RNFT1: variants seen among roughly 807,000 people sequenced by gnomAD.
The protein encoded by RNFT1 is E3 ubiquitin-protein ligase RNFT1.
A neutral mutation model predicts 53.2 loss-of-function variants in RNFT1; 35 were observed. The observed-to-expected ratio is 0.66, with a 90% CI of 0.50 to 0.87. The LOEUF is 0.87. Among genes scored for constraint, RNFT1 ranks in the 40% least tolerant of loss-of-function variants. The probability of loss-of-function intolerance (pLI) is 0.00; values close to 1 mark genes in which losing one functional copy is unlikely to be tolerated. For missense variants in RNFT1, 421 were observed against 515.0 expected (o/e 0.82, Z 1.77); for synonymous variants, 141 against 172.8 (o/e 0.82, Z 1.44).
At position 59,958,414 on chromosome 17, in the gene RNFT1, A is replaced by T. The variant is rs370573890; in HGVS notation, c.723T>A (p.His241Gln). 7 of 1,593,346 alleles carry T rather than the reference A, an allele frequency of 4.4e-6. No individual in the cohort carries two copies. The highest frequency in any genetic ancestry group is 3.4e-6 in the Non-Finnish European group (4 of 1,174,922). The change falls in exon 5 of 9, where the codon CAT becomes CAA. Residue 241 changes from histidine to glutamine, a missense_variant. Transcript: ENST00000305783. Reference sequence around the variant, plus strand: ...TCCAAAATACTTCCCAGAAGCTCAAATGGTCCAAAGTAGGATTTAAAAAAA... The same window carrying T: ...TCCAAAATACTTCCCAGAAGCTCAATTGGTCCAAAGTAGGATTTAAAAAAA... The part of the protein sequence containing the change: ...SLIFLNPTLD[H>Q]LSFWEVFWIV...
rs2045323471 is a variant in RNFT1, at chr17:59,964,719, C to T, written c.-56G>A. On this transcript the variant is annotated 5_prime_UTR_variant, in exon 1 of 9. Transcript: ENST00000305783. ...TCAACCGCAAACCCCGCAAGCTCTT[C>T]TCTCAGCCCGGCGGCAACGGCGGCG... 2.6e-6 allele frequency: 4 copies of T among 1,523,554 alleles called. No individual in the cohort carries two copies. Among genetic ancestry groups the T allele is most frequent in the Admixed American group, 2.1e-5 (1 of 48,700 alleles). The allele number at this position is 1,523,554 out of a possible 1,614,324, so 94.4% of individuals were successfully genotyped here.
Position 59,954,104 on chromosome 17 carries a change from C to T in RNFT1, c.1114G>A (p.Asp372Asn). 1.2e-6 allele frequency: 2 copies of T among 1,604,314 alleles called. No homozygotes were observed. The highest frequency in any genetic ancestry group is 8.5e-7 in the Non-Finnish European group (1 of 1,177,034). ...GCTTGACATATTGAACAAATATCAT[C>T]CACATCTGAACACTGTCTCTTGCTG... ...AASKRQCSDV[D>N]DICSICQAEF... The change falls in exon 8 of 9, where the codon GAT (aspartate) becomes AAT (asparagine). Residue 372 changes from aspartate to asparagine, a missense_variant. Transcript: ENST00000305783.
chr17:59,954,800 AC>A (rs542596390), intron 7 of RNFT1, among the ~76,000 whole-genome samples: 63 of 152,340 alleles, frequency 4.1e-4, no homozygotes, highest in Non-Finnish European at 8.2e-4. Context: ...TTACGGAGAA[AC>A]TGCAACTGTA....
chr17:59,964,737 C>A lies in RNFT1; in HGVS notation c.-74G>T. 1.4e-6 allele frequency: 2 copies of A among 1,445,040 alleles called. No individual in the cohort carries two copies. Among genetic ancestry groups the A allele is most frequent in the African/African-American group, 2.9e-5 (2 of 67,964 alleles). The allele number at this position is 1,445,040 out of a possible 1,614,324, so 89.5% of individuals were successfully genotyped here. A position where few individuals can be genotyped will look rare whatever the true frequency, so the allele number is the denominator to read the frequency against. ...AGCTCTTCTCTCAGCCCGGCGGCAA[C>A]GGCGGCGGCGCGCGCGCTCCCCGGA... On this transcript the variant is annotated 5_prime_UTR_variant, in exon 1 of 9. Transcript: ENST00000305783.
chr17:59,964,610 C>G lies in RNFT1; in HGVS notation c.54G>C (p.Glu18Asp). 6.2e-7 allele frequency: 1 copy of G among 1,604,206 alleles called. No homozygotes were observed. Among genetic ancestry groups the G allele is most frequent in the Non-Finnish European group, 8.5e-7 (1 of 1,175,420 alleles). The change falls in exon 1 of 9, where the codon GAG (glutamate) becomes GAC (aspartate). Residue 18 changes from glutamate (E) to aspartate (D), a missense_variant and splice_region_variant. Glu to Asp is a conservative substitution (Grantham distance 45). Coordinates refer to ENST00000305783, the MANE Select transcript of RNFT1 (RefSeq NM_016125.4). The part of the protein sequence containing the change: ...LPTPPSASGH[E>D]RRQRPEAKTS... ...TGCCCGCTTCCCCCAGGCCTAACCT[C>G]TCATGACCAGAAGCGGACGGAGGTG...
chr17:59,964,456 A>G (rs1422136193), intron 1 of RNFT1, 152 bp downstream of exon 1: 1 of 609,294 alleles, frequency 1.6e-6, no homozygotes, highest in Non-Finnish European at 2.7e-6. Context: ...AAGAGGAGAA[A>G]AAAGGGAAGA....
chr17:59,957,186 G>A (rs1568543076), intron 6 of RNFT1, 38 bp downstream of exon 6: 1 of 1,581,790 alleles, frequency 6.3e-7, no homozygotes, highest in East Asian at 2.2e-5. Flanking sequence ...AATCATTAAT[G>A]TGAATCATGC....
chr17:59,960,487 A>G (rs1413784124), intron 3 of RNFT1, among the ~76,000 whole-genome samples: 1 of 149,796 alleles, frequency 6.7e-6, no homozygotes, highest in Non-Finnish European at 1.5e-5. Flanking sequence ...AAAAAAAAAA[A>G]GAAGCCAGGT....
intron 4 of RNFT1, chr17:59,958,850 T>C: frequency 3.1e-6 from 1 of 320,690 alleles, no homozygotes; most frequent in Non-Finnish European, 6.0e-6. Context: ...TCACTCTCTT[T>C]TTCCATCTTC....
intron 7 of RNFT1, among the ~76,000 whole-genome samples, chr17:59,955,371 G>T (rs1198521914): frequency 1.3e-5 from 2 of 152,136 alleles, no homozygotes; most frequent in Non-Finnish European, 2.9e-5. Context: ...GCATCTTGGA[G>T]ACTCCCTCTC....
chr17:59,964,400 A>G (rs1220214653), intron 1 of RNFT1, among the ~76,000 whole-genome samples: 1 of 152,006 alleles, frequency 6.6e-6, no homozygotes, highest in African/African-American at 2.4e-5. Context: ...TGTCTTTTCT[A>G]TAAATAACAT....
At chr17:59,957,156 A>G in intron 6 of RNFT1, 68 bp downstream of exon 6, 20 of 1,439,126 alleles carry the variant, frequency 1.4e-5, no homozygotes, top group Non-Finnish European at 1.8e-5. Context: ...TAAAAGAGGA[A>G]AACAGTAGTA....
chr17:59,956,384 A>G lies in RNFT1; in HGVS notation c.1071+104T>C, dbSNP rs762781773. ...AAAATAATCAAAGTAAAAGAAAAGGATCATCTATTTATGAAATCCATTCTT... is the reference window on the plus strand; with the variant it reads ...AAAATAATCAAAGTAAAAGAAAAGGGTCATCTATTTATGAAATCCATTCTT... On this transcript the variant is annotated intron_variant, in intron 7 of 8. Coordinates refer to ENST00000305783, the MANE Select transcript of RNFT1 (RefSeq NM_016125.4). 9 of 725,478 alleles carry G rather than the reference A, an allele frequency of 1.2e-5. No homozygotes were observed. The Admixed American group carries it at 2.5e-4, about 20-fold the overall frequency. The allele number at this position is 725,478 out of a possible 1,614,324, so 44.9% of individuals were successfully genotyped here. A position where few individuals can be genotyped will look rare whatever the true frequency, so the allele number is the denominator to read the frequency against.
chr17:59,962,110 C>T (rs2045297880), intron 3 of RNFT1, among the ~76,000 whole-genome samples: 1 of 151,974 alleles, frequency 6.6e-6, no homozygotes, highest in South Asian at 2.1e-4. Context: ...TGGTCTCAAT[C>T]TCCTGACCTC....
chr17:59,960,465 A>C (rs1282447909), intron 3 of RNFT1, among the ~76,000 whole-genome samples: 1 of 145,394 alleles, frequency 6.9e-6, no homozygotes, highest in African/African-American at 2.6e-5. Context: ...AAGAAAATTA[A>C]ATTAAATTAA....
At position 59,958,549 on chromosome 17, in the gene RNFT1, A is replaced by G. The variant is rs1038064858; in HGVS notation, c.693-105T>C. The stretch of plus-strand genomic sequence containing the variant: ...AATATTTTATTTTGATATGTAAAAA[A>G]TATGAGTTTGGCAGGATGTCAGAGT... On this transcript the variant is annotated intron_variant, in intron 4 of 8. Transcript: ENST00000305783. 12 of 965,376 alleles carry G rather than the reference A, an allele frequency of 1.2e-5. No homozygotes were observed. In the African/African-American group the frequency reaches 1.3e-4, roughly 11 times the overall value. The allele number at this position is 965,376 out of a possible 1,614,324, so 59.8% of individuals were successfully genotyped here.
In RNFT1 at chr17:59,958,425, T is replaced by C; in HGVS notation, c.712A>G (p.Thr238Ala). 2 of 1,572,420 alleles carry C rather than the reference T, an allele frequency of 1.3e-6. No homozygotes were observed. The highest frequency in any genetic ancestry group is 1.7e-6 in the Non-Finnish European group (2 of 1,168,826). The change falls in exon 5 of 9, where the codon ACT (threonine) becomes GCT (alanine). Residue 238 changes from threonine to alanine, a missense_variant. Coordinates refer to ENST00000305783, the MANE Select transcript of RNFT1 (RefSeq NM_016125.4). ...TCCCAGAAGCTCAAATGGTCCAAAG[T>C]AGGATTTAAAAAAATTAAGCTACCA... ...LYYSLIFLNPTLDHLSFWEVF... is the reference protein window; with the variant it reads ...LYYSLIFLNPALDHLSFWEVF...
At position 59,962,982 on chromosome 17, in the gene RNFT1, T is replaced by C; in HGVS notation, c.359A>G (p.His120Arg). The change falls in exon 2 of 9, where the codon CAC becomes CGC. Residue 120 changes from histidine to arginine, a missense_variant. His to Arg is a conservative substitution (Grantham distance 29). Transcript: ENST00000305783. The part of the protein sequence containing the change: ...CVHSRLRGHS[H>R]SEARLTDDTA... ...ATCATCAGTCAGCCTTGCTTCACTGTGGGAGTGACCCCGTAAGCGACTGTG... is the reference window on the plus strand; with the variant it reads ...ATCATCAGTCAGCCTTGCTTCACTGCGGGAGTGACCCCGTAAGCGACTGTG... 6.2e-7 allele frequency: 1 copy of C among 1,614,260 alleles called. No individual in the cohort carries two copies. Among genetic ancestry groups the C allele is most frequent in the Admixed American group, 1.7e-5 (1 of 60,024 alleles).
intron 4 of RNFT1, among the ~76,000 whole-genome samples, chr17:59,958,995 T>C (rs1037338700): frequency 2.0e-5 from 3 of 152,226 alleles, no homozygotes; most frequent in African/African-American, 7.2e-5. Flanking sequence ...GGGCTCTCTA[T>C]CTACACTCTC....
Sources: allele counts gnomAD v4.1 joint callset (sites outside exome capture counted in the v4.1 genomes callset), GRCh38; gene constraint gnomAD v4.1.1; transcripts MANE v1.5; gene names NCBI Gene and HGNC (gene_info 2026-07-23, HGNC 2026-07-21).